MGST3: variants seen among roughly 807,000 people sequenced by gnomAD.
The protein encoded by MGST3 is glutathione S-transferase 3, mitochondrial.
MGST3 carries 13 observed loss-of-function variants against 15.8 expected under a neutral mutation model. The observed-to-expected ratio is 0.82, with a 90% CI of 0.54 to 1.31. The LOEUF (loss-of-function observed/expected upper bound fraction) is 1.31. Among genes scored for constraint, MGST3 ranks in the 50% most tolerant of loss-of-function variants. The probability of loss-of-function intolerance (pLI) is 0.00; values close to 1 mark genes in which losing one functional copy is unlikely to be tolerated. For synonymous variants in MGST3, 49 were observed against 68.1 expected, an observed-to-expected ratio of 0.72 and a Z score of 1.38; for missense variants, 155 against 192.4, an observed-to-expected ratio of 0.81 and a Z score of 1.15.
chr1:165,655,314 A>G (rs1648677879), intron 5 of MGST3, 54 bp from the exon 6 acceptor site: 1 of 1,609,046 alleles, frequency 6.2e-7, no homozygotes, highest in African/African-American at 1.3e-5. Context: ...GAATGTTGAA[A>G]GCATCATAAT....
chr1:165,652,052 G>A lies in MGST3; in HGVS notation c.249+17G>A. 6.3e-7 allele frequency: 1 copy of A among 1,590,012 alleles called. No individual in the cohort carries two copies. The highest frequency in any genetic ancestry group is 8.6e-7 in the Non-Finnish European group (1 of 1,158,340). On this transcript the variant is annotated intron_variant, in intron 4 of 5. Transcript: ENST00000367889. ...TACCACCCGGTAAGTTTTCCAGGAG[G>A]TGTTCATCTATTTGGATAGTAGTTC... is the stretch of plus-strand genomic sequence containing the variant.
chr1:165,638,855 G>A (rs2101715949), intron 1 of MGST3, among the ~76,000 whole-genome samples: 2 of 151,992 alleles, frequency 1.3e-5, no homozygotes, highest in African/African-American at 4.8e-5. Flanking sequence ...TCTTAAAAGG[G>A]GCATCTGTGG....
intron 3 of MGST3, chr1:165,651,510 C>G (rs1450203007): frequency 6.2e-6 from 2 of 323,888 alleles, no homozygotes; most frequent in Non-Finnish European, 1.2e-5. Context: ...TAATCCCATG[C>G]AGAGCAAAGG....
chr1:165,653,355 T>G (rs1011747450), intron 4 of MGST3, among the ~76,000 whole-genome samples: 2 of 152,118 alleles, frequency 1.3e-5, no homozygotes. Flanking sequence ...TAACAATTGT[T>G]CCTAGGTTGC....
intron 3 of MGST3, chr1:165,651,514 G>A (rs1405161381): frequency 1.6e-5 from 5 of 318,722 alleles, no homozygotes; most frequent in Non-Finnish European, 2.4e-5. Context: ...CCCATGCAGA[G>A]CAAAGGAGGG....
intron 1 of MGST3, among the ~76,000 whole-genome samples, chr1:165,640,623 T>C (rs566445272): frequency 3.9e-5 from 6 of 152,104 alleles, no homozygotes; most frequent in Admixed American, 2.6e-4. Flanking sequence ...CTGAGGTATG[T>C]TTTAACAAAC....
intron 1 of MGST3, among the ~76,000 whole-genome samples, chr1:165,644,825 C>G (rs1459991303): frequency 6.6e-6 from 1 of 152,128 alleles, no homozygotes; most frequent in Non-Finnish European, 1.5e-5. Context: ...GTGGTGCAAT[C>G]TCGGCTCACT....
At chr1:165,634,091 A>G (rs1648034485) in intron 1 of MGST3, among the ~76,000 whole-genome samples, 1 of 151,372 alleles carries the variant, frequency 6.6e-6, no homozygotes, top group African/African-American at 2.4e-5. Context: ...GCAAAATTGA[A>G]GTTAATTGTT....
intron 4 of MGST3, among the ~76,000 whole-genome samples, chr1:165,652,876 T>C (rs541070707): frequency 2.6e-5 from 4 of 152,338 alleles, no homozygotes; most frequent in South Asian, 4.1e-4. Flanking sequence ...CATATCTAAA[T>C]AAAGCAAGTT....
At chr1:165,638,600 A>G (rs550489038) in intron 1 of MGST3, among the ~76,000 whole-genome samples, 45 of 152,284 alleles carry the variant, frequency 3.0e-4, no homozygotes, top group African/African-American at 1.1e-3. Context: ...CCTGGCCAAC[A>G]TGGCGAAACC....
At chr1:165,634,797 C>CTCTCTCT (rs1470776989) in intron 1 of MGST3, among the ~76,000 whole-genome samples, 1 of 131,082 alleles carries the variant, frequency 7.6e-6, no homozygotes, top group Admixed American at 7.6e-5. Context: ...CCCTCCCTCC[C>CTCTCTCT]CCCCACTCTC....
chr1:165,649,816 TC>T, intron 1 of MGST3, 24 bp from the exon 2 acceptor site: 1 of 1,613,622 alleles, frequency 6.2e-7, no homozygotes. Context: ...CTGGGGGCCG[TC>T]CCAACGTGTT....
At chr1:165,643,132 T>C (rs954265069) in intron 1 of MGST3, among the ~76,000 whole-genome samples, 4 of 152,208 alleles carry the variant, frequency 2.6e-5, no homozygotes, top group African/African-American at 9.6e-5. Flanking sequence ...AAGATTATTC[T>C]ACATATACTT....
chr1:165,649,988 C>A, intron 2 of MGST3, 24 bp downstream of exon 2: 1 of 1,613,388 alleles, frequency 6.2e-7, no homozygotes, highest in Admixed American at 1.7e-5. Flanking sequence ...CAAGCTGGTG[C>A]CCTTGTAGGC....
At chr1:165,650,264 AT>A in intron 2 of MGST3, 1 of 416,810 alleles carries the variant, frequency 2.4e-6, no homozygotes, top group Non-Finnish European at 4.5e-6. Flanking sequence ...GAGTTACTGT[AT>A]TTTCCACAGA....
At chr1:165,650,875 T>A (rs1361371657) in intron 2 of MGST3, 139 bp from the exon 3 acceptor site, 1 of 744,190 alleles carries the variant, frequency 1.3e-6, no homozygotes, top group Non-Finnish European at 2.4e-6. Context: ...CCATAAATAT[T>A]TAAGCAGAAA....
At chr1:165,654,377 G>A (rs1298552122) in intron 5 of MGST3, 26 bp downstream of exon 5, 2 of 1,605,586 alleles carry the variant, frequency 1.2e-6, no homozygotes, top group Non-Finnish European at 1.7e-6. Flanking sequence ...CATTTGCCAA[G>A]GAAACAACTT....
chr1:165,652,045 C>G lies in MGST3; in HGVS notation c.249+10C>G. 6.2e-7 allele frequency: 1 copy of G among 1,602,526 alleles called. No individual in the cohort carries two copies. The highest frequency in any genetic ancestry group is 8.5e-7 in the Non-Finnish European group (1 of 1,169,636). ...AGGTGTTTACCACCCGGTAAGTTTT[C>G]CAGGAGGTGTTCATCTATTTGGATA... On this transcript the variant is annotated intron_variant, in intron 4 of 5. Transcript: ENST00000367889.
At position 165,655,929 on chromosome 1, in the gene MGST3, A is replaced by C. The variant is rs1571158935; in HGVS notation, c.*425A>C. On this transcript the variant is annotated 3_prime_UTR_variant, in exon 6 of 6. Transcript: ENST00000367889. ...AGACCAGCCTGGGCAACATAGCAAA[A>C]CCCCATCTCTACAAAAAAATATACA... is the stretch of plus-strand genomic sequence containing the variant. 4.7e-6 allele frequency: 1 copy of C among 213,154 alleles called. No individual in the cohort carries two copies. Among genetic ancestry groups the C allele is most frequent in the Non-Finnish European group, 9.5e-6 (1 of 105,212 alleles). 13.2% of individuals were successfully genotyped at this position (213,154 alleles called of 1,614,324 possible).
Sources: gnomAD v4.1 joint callset for allele counts (sites outside exome capture counted in the v4.1 genomes callset) on GRCh38, gnomAD v4.1.1 for gene constraint, MANE v1.5 for transcripts, NCBI Gene and HGNC (gene_info 2026-07-23, HGNC 2026-07-21) for gene names.